Variants in LAMA3 observed in about 807,000 individuals in gnomAD.
LAMA3 encodes the protein laminin subunit alpha-3.
Under a neutral mutation model 402.0 loss-of-function variants are expected in LAMA3, and 281 were observed. The observed-to-expected ratio is 0.70, with a 90% confidence interval of 0.63 to 0.77. LAMA3 has a LOEUF of 0.77. Among genes scored for constraint, LAMA3 ranks in the 30% least tolerant of loss-of-function variants. LAMA3 has a pLI of 0.00. For synonymous variants in LAMA3, 1,431 were observed against 1,558.4 expected (o/e 0.92, Z 1.93); for missense variants, 3,840 against 4,215.5 (o/e 0.91, Z 2.47).
intron 2 of LAMA3, among the ~76,000 whole-genome samples, chr18:23,745,066 T>A (rs571776024): frequency 3.3e-5 from 5 of 152,172 alleles, no homozygotes; most frequent in Admixed American, 1.3e-4. Flanking sequence ...CACATGAAAA[T>A]GTTGAATTTA....
chr18:23,826,570 A>G (rs1264914381), intron 21 of LAMA3, 132 bp from the exon 22 acceptor site: 5 of 722,102 alleles, frequency 6.9e-6, no homozygotes, highest in Non-Finnish European at 1.2e-5. Context: ...AGAACAAAGC[A>G]GTTGATATGG....
chr18:23,928,053 G>A, intron 62 of LAMA3, 70 bp from the exon 63 acceptor site: 2 of 1,059,240 alleles, frequency 1.9e-6, no homozygotes, highest in Non-Finnish European at 3.0e-6. Flanking sequence ...AAAGAGCACA[G>A]CGTTTCAGCT....
chr18:23,921,804 C>T (rs1007091216), intron 62 of LAMA3, among the ~76,000 whole-genome samples: 1 of 152,138 alleles, frequency 6.6e-6, no homozygotes, highest in African/African-American at 2.4e-5. Context: ...TGTGTGTCAC[C>T]GCCATTGTCA....
At chr18:23,855,676 A>C (rs914641116) in intron 32 of LAMA3, among the ~76,000 whole-genome samples, 4 of 152,204 alleles carry the variant, frequency 2.6e-5, no homozygotes, top group Non-Finnish European at 5.9e-5. Context: ...AATATGGCCC[A>C]TAGTTTACCC....
intron 23 of LAMA3, among the ~76,000 whole-genome samples, chr18:23,829,902 C>T (rs914045000): frequency 1.3e-5 from 2 of 152,174 alleles, no homozygotes; most frequent in Non-Finnish European, 2.9e-5. Flanking sequence ...TCTTATAAAT[C>T]CATAACCCAG....
Position 23,858,675 on chromosome 18 carries a change from T to C in LAMA3, c.4282-14T>C. The C allele has an allele frequency of 4.3e-6, 7 of 1,614,144 alleles. No individual in the cohort carries two copies. Among genetic ancestry groups the C allele is most frequent in the Non-Finnish European group, 5.9e-6 (7 of 1,179,976 alleles). On this transcript the variant is annotated splice_polypyrimidine_tract_variant and intron_variant, in intron 33 of 74. Coordinates refer to ENST00000313654, the MANE Select transcript of LAMA3 (RefSeq NM_198129.4). ...GGAACACGTGATCTCTTATTTCATG[T>C]TTTGCTTCAATAGGAAAATGTAGAA...
chr18:23,799,721 G>A (rs932755694), intron 12 of LAMA3, among the ~76,000 whole-genome samples: 4 of 151,946 alleles, frequency 2.6e-5, no homozygotes, highest in South Asian at 2.1e-4. Context: ...ACCAATCGGA[G>A]GTGTGTGTGT....
chr18:23,857,718 C>A, intron 32 of LAMA3, 126 bp from the exon 33 acceptor site: 1 of 1,193,576 alleles, frequency 8.4e-7, no homozygotes, highest in Non-Finnish European at 1.2e-6. Flanking sequence ...CTGCCTTGGA[C>A]TATAAGCAGG....
rs1386094240 is a variant in LAMA3, at chr18:23,912,774, G to A, written c.7222G>A (p.Glu2408Lys). The A allele has an allele frequency of 6.2e-7, 1 of 1,614,102 alleles. No individual in the cohort carries two copies. The highest frequency in any genetic ancestry group is 2.2e-5 in the East Asian group (1 of 44,880). The change falls in exon 56 of 75, where the codon GAA becomes AAA. Residue 2408 changes from glutamate (E) to lysine (K), a missense_variant. By Grantham distance (56) the Glu-to-Lys change is moderately conservative. Around this residue, in one of 3 missense-constraint regions of LAMA3, gnomAD observed 891 missense variants for 857.5 expected, o/e 1.04. Coordinates refer to ENST00000313654, the MANE Select transcript of LAMA3 (RefSeq NM_198129.4). ...CGAAGTCCGACTGCCAAATGACCTG[G>A]AAGATTTGAAAGGATATACATCTCT... ...GVEVRLPNDL[E>K]DLKGYTSLSL...
intron 4 of LAMA3, 73 bp downstream of exon 4, chr18:23,749,619 G>A (rs1167217291): frequency 2.2e-6 from 2 of 917,244 alleles, no homozygotes; most frequent in Non-Finnish European, 3.7e-6. Flanking sequence ...TTTCATAATT[G>A]CGAAACTTGC....
chr18:23,951,680 C>T lies in LAMA3; in HGVS notation c.9643-4C>T. On this transcript the variant is annotated splice_polypyrimidine_tract_variant and splice_region_variant and intron_variant, in intron 72 of 74. Coordinates refer to ENST00000313654, the MANE Select transcript of LAMA3 (RefSeq NM_198129.4). The stretch of plus-strand genomic sequence containing the variant: ...GGAAATAGGAAAATGCATGTGTGTT[C>T]CAGGTCACGGCCTCTATGGACAGTG... 2 of 1,612,880 alleles carry T rather than the reference C, an allele frequency of 1.2e-6. No individual in the cohort carries two copies. The highest frequency in any genetic ancestry group is 1.7e-6 in the Non-Finnish European group (2 of 1,179,024).
chr18:23,884,734 CTG>C (rs1240115397), intron 40 of LAMA3, 37 bp from the exon 41 acceptor site: 17 of 1,514,600 alleles, frequency 1.1e-5, no homozygotes, highest in African/African-American at 1.4e-5. Flanking sequence ...TCCTATCGAT[CTG>C]TGTTTTTGAT....
chr18:23,917,334 C>G (rs980776492), intron 60 of LAMA3, among the ~76,000 whole-genome samples: 1 of 152,120 alleles, frequency 6.6e-6, no homozygotes, highest in South Asian at 2.1e-4. Flanking sequence ...GGAACATTGG[C>G]GTGCATTTGT....
chr18:23,953,364 T>C (rs1292037722), intron 74 of LAMA3, among the ~76,000 whole-genome samples: 1 of 145,256 alleles, frequency 6.9e-6, no homozygotes, highest in Non-Finnish European at 1.5e-5. Context: ...TTTTTTGAGA[T>C]GGAGTCTCAC....
intron 8 of LAMA3, among the ~76,000 whole-genome samples, chr18:23,765,619 A>G (rs564301653): frequency 6.6e-6 from 1 of 152,316 alleles, no homozygotes; most frequent in East Asian, 1.9e-4. Flanking sequence ...AAGACAATCA[A>G]TAGGGACCAA....
intron 35 of LAMA3, among the ~76,000 whole-genome samples, chr18:23,862,679 A>G (rs1032273800): frequency 6.6e-6 from 1 of 152,112 alleles, no homozygotes; most frequent in African/African-American, 2.4e-5. Flanking sequence ...TTGATTATCT[A>G]TTGCTATGTA....
intron 17 of LAMA3, among the ~76,000 whole-genome samples, chr18:23,815,807 A>G (rs545575035): frequency 1.3e-5 from 2 of 152,352 alleles, no homozygotes; most frequent in South Asian, 2.1e-4. Context: ...GATAAGAAAC[A>G]TAACTGGGAT....
Position 23,915,885 on chromosome 18 carries a change from AG to A in LAMA3, c.7778+464del, listed in dbSNP as rs370870885. Among the ~76,000 whole-genome samples, 342 of 151,782 alleles carry A rather than the reference AG, an allele frequency of 2.3e-3. 2 individuals are homozygous for A. Among genetic ancestry groups the A allele is most frequent in the African/African-American group, 7.9e-3 (327 of 41,374 alleles). ...GCCGAGTGTGATGGTGTGTGCCTGT[AG>A]TCCCAGCCTCTTGGAAGGCTGAGGC... On this transcript the variant is annotated intron_variant, in intron 59 of 74. Coordinates refer to ENST00000313654, the MANE Select transcript of LAMA3 (RefSeq NM_198129.4).
At chr18:23,793,080 AC>A (rs1568189496) in intron 12 of LAMA3, among the ~76,000 whole-genome samples, 1 of 152,178 alleles carries the variant, frequency 6.6e-6, no homozygotes, top group East Asian at 1.9e-4. Context: ...TAGACAGAGC[AC>A]TTCCACATTA....
Sources: allele counts gnomAD v4.1 joint callset (sites outside exome capture counted in the v4.1 genomes callset), GRCh38; gene constraint gnomAD v4.1.1; regional missense constraint gnomAD v4.1.1; transcripts MANE v1.5; gene names NCBI Gene and HGNC (gene_info 2026-07-23, HGNC 2026-07-21).